Variants in GRB7 observed in about 807,000 individuals in gnomAD.
GRB7 encodes growth factor receptor bound protein 7.
Under a neutral mutation model 64.1 loss-of-function variants are expected in GRB7, and 47 were observed. The ratio of observed to expected loss-of-function variants is 0.73; its 90% CI spans 0.58 to 0.94. The LOEUF is 0.94. Among genes scored for constraint, GRB7 ranks in the 40% least tolerant of loss-of-function variants. GRB7 has a pLI of 0.00. For synonymous variants in GRB7, 277 were observed against 279.9 expected, an observed-to-expected ratio of 0.99 and a Z score of 0.10; for missense variants, 634 against 718.4, an observed-to-expected ratio of 0.88 and a Z score of 1.34.
At chr17:39,739,893 C>A in intron 1 of GRB7, 1 of 586,854 alleles carries the variant, frequency 1.7e-6, no homozygotes, top group Non-Finnish European at 2.1e-6. Context: ...CTCCTCCCTG[C>A]TCACCCCATT....
intron 1 of GRB7, among the ~76,000 whole-genome samples, chr17:39,741,289 G>A (rs1474089903): frequency 2.6e-5 from 4 of 152,190 alleles, no homozygotes; most frequent in Admixed American, 2.6e-4. Context: ...GGTGGCTCTA[G>A]CACTGGGGCT....
chr17:39,744,778 C>G (rs1597907122), intron 8 of GRB7, 108 bp from the exon 9 acceptor site: 3 of 1,300,778 alleles, frequency 2.3e-6, no homozygotes, highest in East Asian at 4.8e-5. Flanking sequence ...CCTCTCCCTG[C>G]ACCCTGGCCT....
In GRB7 at chr17:39,742,402, C is replaced by G; in HGVS notation, c.101C>G (p.Pro34Arg). 6.2e-7 allele frequency: 1 copy of G among 1,614,006 alleles called. No individual in the cohort carries two copies. Among genetic ancestry groups the G allele is most frequent in the Non-Finnish European group, 8.5e-7 (1 of 1,180,020 alleles). Residue 34 changes from proline (P) to arginine (R), a missense_variant, in exon 2 of 15, where the codon CCT becomes CGT. Transcript: ENST00000309156. ...PPGTPRPPDTPLPEEVKRSQP... is the reference protein window; with the variant it reads ...PPGTPRPPDTRLPEEVKRSQP... ...GGGACTCCCCGGCCCCCTGATACCCCTCTGCCTGAGGAGGTAAAGAGGTCC... is the reference window on the plus strand; with the variant it reads ...GGGACTCCCCGGCCCCCTGATACCCGTCTGCCTGAGGAGGTAAAGAGGTCC...
chr17:39,745,959 G>C lies in GRB7; in HGVS notation c.1317G>C (p.Glu439Asp), dbSNP rs774105713. Residue 439 changes from glutamate to aspartate, a missense_variant, in exon 13 of 15, where the codon GAG (glutamate) becomes GAC (aspartate). Physicochemically the swap from Glu to Asp is conservative, Grantham distance 45. Around this residue, in one of 2 missense-constraint regions of GRB7, gnomAD observed 467 missense variants for 576.6 expected, o/e 0.81. Transcript: ENST00000309156. ...QLWFHGRISR[E>D]ESQRLIGQQG... ...GGTTCCACGGGCGCATTTCCCGTGA[G>C]GAGAGCCAGCGGCTTATTGGACAGC... The C allele has an allele frequency of 1.9e-6, 3 of 1,613,966 alleles. No homozygotes were observed. The highest frequency in any genetic ancestry group is 1.3e-5 in the African/African-American group (1 of 74,938).
rs146598657 is a variant in GRB7 at position 39,745,775 on chromosome 17, G to A, written c.1257G>A (p.Thr419=). Residue 419 remains threonine (T), a synonymous_variant, in exon 12 of 15, where the codon ACG becomes ACA. Transcript: ENST00000309156. Reference sequence around the variant, plus strand: ...GCCTGCCCATGCCAGCCTCCGGCACGAGCCTCAGTGCAGGTGGGTGACGGC... The same window carrying A: ...GCCTGCCCATGCCAGCCTCCGGCACAAGCCTCAGTGCAGGTGGGTGACGGC... ...RLSLPMPASG[T]SLSAAIHRTQ... 51 of 1,613,904 alleles carry A rather than the reference G, an allele frequency of 3.2e-5. No homozygotes were observed. Among genetic ancestry groups the A allele is most frequent in the East Asian group, 1.3e-4 (6 of 44,892 alleles).
chr17:39,745,670 T>G, intron 11 of GRB7, 58 bp from the exon 12 acceptor site: 1 of 1,589,240 alleles, frequency 6.3e-7, no homozygotes, highest in South Asian at 1.1e-5. Context: ...CTTCCTGAGG[T>G]GCTGGGTAAT....
Position 39,744,548 on chromosome 17 carries a change from C to T in GRB7, c.802-5C>T. The T allele has an allele frequency of 6.2e-7, 1 of 1,601,792 alleles. No homozygotes were observed. Among genetic ancestry groups the T allele is most frequent in the Non-Finnish European group, 8.5e-7 (1 of 1,174,092 alleles). On this transcript the variant is annotated splice_polypyrimidine_tract_variant and splice_region_variant and intron_variant, in intron 7 of 14. Coordinates refer to ENST00000309156, the MANE Select transcript of GRB7 (RefSeq NM_005310.5). Reference sequence around the variant, plus strand: ...TACCAAGTCCTGCTCACTCATGCTGCTTAGGATCCGAGGCACCTGCAGTAC... The same window carrying T: ...TACCAAGTCCTGCTCACTCATGCTGTTTAGGATCCGAGGCACCTGCAGTAC...
Position 39,738,093 on chromosome 17 carries a change from T to G in GRB7, c.-91T>G, listed in dbSNP as rs1464050194. ...GGGGGTTCCTAGACGGAGCCAGACT[T>G]CGGAACGGGTGTCCTGCTACTCCTG... On this transcript the variant is annotated 5_prime_UTR_variant, in exon 1 of 15. Coordinates refer to ENST00000309156, the MANE Select transcript of GRB7 (RefSeq NM_005310.5). 6.6e-6 allele frequency: 1 copy of G among 152,280 alleles called. No individual in the cohort carries two copies. The highest frequency in any genetic ancestry group is 1.9e-4 in the East Asian group (1 of 5,266). The allele number at this position is 152,280 out of a possible 1,614,324, so 9.4% of individuals were successfully genotyped here. A position where few individuals can be genotyped will look rare whatever the true frequency, so the allele number is the denominator to read the frequency against.
chr17:39,740,150 TGGGGCTGTTTGGAGACC>T lies in GRB7; in HGVS notation c.-51+2032_-51+2048del, dbSNP rs1034234858. On this transcript the variant is annotated intron_variant, in intron 1 of 14. Transcript: ENST00000309156. ...CCCCTGCAGCCTGGAATGAAGTCAC[TGGGGCTGTTTGGAGACC>T]GGGGCTGTTTGGAGGTTAGACTGGG... 7.7e-5 allele frequency: 76 copies of T among 985,606 alleles called. No individual in the cohort carries two copies. In the Middle Eastern group the frequency reaches 1.6e-3, roughly 20 times the overall value. The allele number at this position is 985,606 out of a possible 1,614,324, so 61.1% of individuals were successfully genotyped here.
At chr17:39,741,966 C>T (rs200335959) in intron 1 of GRB7, among the ~76,000 whole-genome samples, 7 of 113,452 alleles carry the variant, frequency 6.2e-5, no homozygotes, top group East Asian at 5.1e-4. Flanking sequence ...GTGGAGATGA[C>T]GCCGCTGCAA....
intron 1 of GRB7, among the ~76,000 whole-genome samples, chr17:39,741,962 A>T (rs191513063): frequency 8.3e-6 from 1 of 121,062 alleles, no homozygotes; most frequent in East Asian, 2.6e-4. Flanking sequence ...GTGAGTGGAG[A>T]TGACGCCGCT....
intron 3 of GRB7, 62 bp from the exon 4 acceptor site, chr17:39,742,836 G>T (rs745638959): frequency 6.5e-7 from 1 of 1,538,196 alleles, no homozygotes; most frequent in Non-Finnish European, 8.8e-7. Context: ...TCTAGCAGGT[G>T]CGGAAAGGGA....
chr17:39,742,699 G>A lies in GRB7; in HGVS notation c.289G>A (p.Asp97Asn), dbSNP rs746907475. The change falls in exon 3 of 15, where the codon GAT (aspartate) becomes AAT (asparagine). Residue 97 changes from aspartate (D) to asparagine (N), a missense_variant. Transcript: ENST00000309156. ...PSSARGLLPRDASRPHVVKVY... is the reference protein window; with the variant it reads ...PSSARGLLPRNASRPHVVKVY... ...CAGTGCAAGGGGGCTGCTCCCCCGC[G>A]ATGCCAGCCGCCCCCATGTGAGTTG... The A allele has an allele frequency of 4.0e-5, 62 of 1,565,340 alleles. No individual in the cohort carries two copies. In the Middle Eastern group the frequency reaches 8.6e-4, roughly 22 times the overall value.
rs778098690 is a variant in GRB7, at chr17:39,746,027, C to T, written c.1358+27C>T. On this transcript the variant is annotated intron_variant, in intron 13 of 14. Transcript: ENST00000309156. Reference sequence around the variant, plus strand: ...TAAGGGGCAGGGCCGGGCAACAGACCCAGGGATAAGAGAGACTGGGGTCCA... The same window carrying T: ...TAAGGGGCAGGGCCGGGCAACAGACTCAGGGATAAGAGAGACTGGGGTCCA... 1.9e-6 allele frequency: 3 copies of T among 1,613,192 alleles called. No homozygotes were observed. The African/African-American group carries it at 4.0e-5, about 22-fold the overall frequency.
rs1235199019 is a variant in GRB7 at position 39,743,257 on chromosome 17, T to C, written c.541T>C (p.Phe181Leu). ...CGTGGGCGGAGATAGCCGCTTCGTC[T>C]TCCGGAAAAACTTCGCCAAGTACGA... ...WPVGGDSRFV[F>L]RKNFAKYELF... The change falls in exon 5 of 15, where the codon TTC (phenylalanine) becomes CTC (leucine). Residue 181 changes from phenylalanine (F) to leucine (L), a missense_variant. Phe to Leu is a conservative substitution (Grantham distance 22, BLOSUM62 0). Around this residue, in one of 2 missense-constraint regions of GRB7, gnomAD observed 467 missense variants for 576.6 expected, o/e 0.81. Transcript: ENST00000309156. 2.5e-6 allele frequency: 4 copies of C among 1,614,194 alleles called. No individual in the cohort carries two copies. The highest frequency in any genetic ancestry group is 3.4e-6 in the Non-Finnish European group (4 of 1,180,032).
At chr17:39,741,969 C>T (rs1249205971) in intron 1 of GRB7, among the ~76,000 whole-genome samples, 5 of 86,706 alleles carry the variant, frequency 5.8e-5, no homozygotes, top group African/African-American at 9.7e-5. Flanking sequence ...GAGATGACGC[C>T]GCTGCAAAAA....
Position 39,744,601 on chromosome 17 carries a change from T to A in GRB7, c.850T>A (p.Tyr284Asn). The change falls in exon 8 of 15, where the codon TAC (tyrosine) becomes AAC (asparagine). Residue 284 changes from tyrosine to asparagine, a missense_variant. Transcript: ENST00000309156. ...YVADVNESNV[Y>N]VVTQGRKLYG... ...GGCAGATGTGAACGAGTCCAACGTGTACGTGGTGACGCAGGGCCGCAAGCT... is the reference window on the plus strand; with the variant it reads ...GGCAGATGTGAACGAGTCCAACGTGAACGTGGTGACGCAGGGCCGCAAGCT... 1 of 1,612,328 alleles carries A rather than the reference T, an allele frequency of 6.2e-7. No homozygotes were observed. The highest frequency in any genetic ancestry group is 2.2e-5 in the East Asian group (1 of 44,762).
At chr17:39,746,624 A>C in intron 14 of GRB7, 127 bp from the exon 15 acceptor site, 2 of 1,300,500 alleles carry the variant, frequency 1.5e-6, no homozygotes, top group Non-Finnish European at 2.1e-6. Flanking sequence ...CTCAAAAAAA[A>C]AAAAAGAAAG....
chr17:39,742,465 G>A lies in GRB7; in HGVS notation c.155+9G>A. The stretch of plus-strand genomic sequence containing the variant: ...ATCCCAACCACCGGCAGGTACGATG[G>A]GGCGTGGGGCTTGGGGGAGGTCAGT... On this transcript the variant is annotated intron_variant, in intron 2 of 14. Coordinates refer to ENST00000309156, the MANE Select transcript of GRB7 (RefSeq NM_005310.5). The A allele has an allele frequency of 6.2e-7, 1 of 1,613,710 alleles. No individual in the cohort carries two copies. The highest frequency in any genetic ancestry group is 1.1e-5 in the South Asian group (1 of 91,074).
Sources: gnomAD v4.1 joint callset for allele counts (sites outside exome capture counted in the v4.1 genomes callset) on GRCh38, gnomAD v4.1.1 for gene constraint, gnomAD v4.1.1 regional missense constraint, MANE v1.5 for transcripts, NCBI Gene and HGNC (gene_info 2026-07-23, HGNC 2026-07-21) for gene names.